Variants in PCSK2 observed in about 807,000 individuals in gnomAD.
The protein encoded by PCSK2 is proprotein convertase subtilisin/kexin type 2.
Under a neutral mutation model 69.7 loss-of-function variants are expected in PCSK2, and 14 were observed. That is an observed-to-expected ratio of 0.20 (90% CI 0.13 to 0.31). The LOEUF is 0.31. Ranked by LOEUF, PCSK2 falls within the 10% of genes least tolerant of loss-of-function variation. PCSK2 has a pLI of 1.00. For missense variants in PCSK2, 544 were observed against 842.5 expected (o/e 0.65, Z 4.39); for synonymous variants, 307 against 320.7 (o/e 0.96, Z 0.46).
At chr20:17,479,043 A>T (rs898469205) in intron 11 of PCSK2, 1 of 1,109,510 alleles carries the variant, frequency 9.0e-7, no homozygotes, top group African/African-American at 1.6e-5. Flanking sequence ...ATACACTGAC[A>T]AATTCTTAAG....
chr20:17,259,244 A>G (rs534913708), intron 1 of PCSK2, among the ~76,000 whole-genome samples: 77 of 152,304 alleles, frequency 5.1e-4, no homozygotes, highest in Admixed American at 7.8e-4. Flanking sequence ...GAATCTGATG[A>G]AATCATGTGT....
intron 1 of PCSK2, among the ~76,000 whole-genome samples, chr20:17,242,974 C>T (rs1468586567): frequency 1.3e-5 from 2 of 152,182 alleles, no homozygotes; most frequent in Non-Finnish European, 2.9e-5. Flanking sequence ...TGCCACTCTA[C>T]CTCTGGGAAT....
At chr20:17,374,680 C>T (rs968880764) in intron 5 of PCSK2, among the ~76,000 whole-genome samples, 2 of 152,024 alleles carry the variant, frequency 1.3e-5, no homozygotes, top group African/African-American at 2.4e-5. Flanking sequence ...CAAATTACCC[C>T]CTAGGGCAAT....
At chr20:17,449,347 A>T (rs1359873608) in intron 8 of PCSK2, among the ~76,000 whole-genome samples, 1 of 152,022 alleles carries the variant, frequency 6.6e-6, no homozygotes, top group Non-Finnish European at 1.5e-5. Flanking sequence ...TCCATGGGTG[A>T]ATTCCCATTT....
At chr20:17,296,656 A>G (rs564454246) in intron 2 of PCSK2, among the ~76,000 whole-genome samples, 22 of 152,226 alleles carry the variant, frequency 1.4e-4, no homozygotes, top group African/African-American at 4.8e-4. Context: ...AGCTCAAATC[A>G]CCTTAAAAAT....
rs1444038863 is a variant in PCSK2 at position 17,333,896 on chromosome 20, CTTCT to C, written c.283-24430_283-24427del. ...TGCTATTATTTCCATACATTTCTTCCTTCTAAGTCACTGCATATATATATATATA... is the reference window on the plus strand; with the variant it reads ...TGCTATTATTTCCATACATTTCTTCCAAGTCACTGCATATATATATATATA... On this transcript the variant is annotated intron_variant, in intron 2 of 11. Coordinates refer to ENST00000262545, the MANE Select transcript of PCSK2 (RefSeq NM_002594.5). 8.5e-4 allele frequency among the ~76,000 whole-genome samples: 69 copies of C among 80,718 alleles called. 1 individual carries two copies. The highest frequency in any genetic ancestry group is 2.7e-3 in the African/African-American group (64 of 24,088). The allele number at this position is 80,718 out of a possible 152,430, so 53.0% of individuals were successfully genotyped here.
intron 2 of PCSK2, among the ~76,000 whole-genome samples, chr20:17,302,828 C>T (rs1989130551): frequency 6.6e-6 from 1 of 152,082 alleles, no homozygotes; most frequent in Admixed American, 6.5e-5. Context: ...ACCCTTTTCC[C>T]AATATGTTGT....
chr20:17,437,604 G>T (rs1342474299), intron 8 of PCSK2, among the ~76,000 whole-genome samples: 1 of 152,156 alleles, frequency 6.6e-6, no homozygotes, highest in Non-Finnish European at 1.5e-5. Context: ...TGATAATGAG[G>T]GGTCACTATG....
chr20:17,244,990 T>C (rs1986719315), intron 1 of PCSK2, among the ~76,000 whole-genome samples: 1 of 152,172 alleles, frequency 6.6e-6, no homozygotes. Context: ...TCTCCTCCTC[T>C]CATGGGTGTG....
intron 4 of PCSK2, among the ~76,000 whole-genome samples, chr20:17,366,854 C>T (rs2123226011): frequency 6.6e-6 from 1 of 152,206 alleles, no homozygotes; most frequent in South Asian, 2.1e-4. Flanking sequence ...TCCTTCTGGT[C>T]TCAAATTATC....
intron 6 of PCSK2, among the ~76,000 whole-genome samples, chr20:17,412,002 C>T (rs1016099095): frequency 5.9e-5 from 9 of 152,162 alleles, no homozygotes; most frequent in African/African-American, 2.2e-4. Flanking sequence ...AAAAGGACAT[C>T]CACACGAAAA....
chr20:17,359,718 A>G (rs1318703730), intron 3 of PCSK2, among the ~76,000 whole-genome samples: 1 of 152,212 alleles, frequency 6.6e-6, no homozygotes, highest in Non-Finnish European at 1.5e-5. Flanking sequence ...AGCCCCAATG[A>G]CAATCATACA....
intron 6 of PCSK2, among the ~76,000 whole-genome samples, chr20:17,414,755 T>A (rs772032190): frequency 6.6e-6 from 1 of 152,118 alleles, no homozygotes; most frequent in Admixed American, 6.6e-5. Context: ...TAGACCAATG[T>A]CCCTGATGAA....
intron 2 of PCSK2, among the ~76,000 whole-genome samples, chr20:17,289,648 C>T (rs769260672): frequency 2.2e-4 from 33 of 152,080 alleles, no homozygotes; most frequent in Non-Finnish European, 3.7e-4. Flanking sequence ...TTACCCATAC[C>T]CAAAGCTAAA....
intron 1 of PCSK2, among the ~76,000 whole-genome samples, chr20:17,239,796 T>G (rs1986489923): frequency 1.3e-5 from 2 of 150,470 alleles, no homozygotes; most frequent in South Asian, 4.2e-4. Context: ...TGGCCTAAGA[T>G]GATTCCAATA....
At chr20:17,348,550 G>A (rs1481612696) in intron 2 of PCSK2, among the ~76,000 whole-genome samples, 1 of 152,220 alleles carries the variant, frequency 6.6e-6, no homozygotes, top group Non-Finnish European at 1.5e-5. Context: ...TAGACTGCTG[G>A]AGTGTCGTGT....
At chr20:17,432,881 C>T (rs1193952882) in intron 7 of PCSK2, among the ~76,000 whole-genome samples, 1 of 152,160 alleles carries the variant, frequency 6.6e-6, no homozygotes, top group Non-Finnish European at 1.5e-5. Flanking sequence ...ATATAGCTCA[C>T]AGTCTAGGAG....
intron 2 of PCSK2, among the ~76,000 whole-genome samples, chr20:17,317,363 C>A (rs748224919): frequency 2.0e-5 from 3 of 152,188 alleles, no homozygotes; most frequent in Non-Finnish European, 4.4e-5. Flanking sequence ...ATTCATAGTC[C>A]TATATTCATT....
At chr20:17,357,567 A>G (rs2030244509) in intron 2 of PCSK2, among the ~76,000 whole-genome samples, 1 of 152,172 alleles carries the variant, frequency 6.6e-6, no homozygotes, top group East Asian at 1.9e-4. Context: ...GTTTTATTTC[A>G]CTTAATGACC....
Sources: gnomAD v4.1 joint callset for allele counts (sites outside exome capture counted in the v4.1 genomes callset) on GRCh38, gnomAD v4.1.1 for gene constraint, MANE v1.5 for transcripts, NCBI Gene and HGNC (gene_info 2026-07-23, HGNC 2026-07-21) for gene names.